The following CDK12 variants were observed in gnomAD, a reference collection of about 807,000 sequenced individuals.
CDK12 encodes the protein cyclin-dependent kinase 12.
Under a neutral mutation model 133.8 loss-of-function variants are expected in CDK12, and 17 were observed. The ratio of observed to expected loss-of-function variants is 0.13; its 90% CI spans 0.09 to 0.19. The LOEUF (loss-of-function observed/expected upper bound fraction) is 0.19. CDK12 is among the 10% of genes least tolerant of loss of function. CDK12 has a pLI of 1.00. For missense variants in CDK12, 1,508 were observed against 1,818.7 expected, an observed-to-expected ratio of 0.83 and a Z score of 3.11; for synonymous variants, 694 against 683.6, an observed-to-expected ratio of 1.02 and a Z score of -0.24.
At position 39,489,001 on chromosome 17, in the gene CDK12, ACCT is replaced by A. The variant is rs563076577; in HGVS notation, c.1932-1546_1932-1544del. ...AGTCGTGCGATCTCAGCTCACTGCAACCTCCTCCTCCTAGGCTCAAGCAATTCT... is the reference window on the plus strand; with the variant it reads ...AGTCGTGCGATCTCAGCTCACTGCAACCTCCTCCTAGGCTCAAGCAATTCT... On this transcript the variant is annotated intron_variant, in intron 2 of 13. Coordinates refer to ENST00000447079, the MANE Select transcript of CDK12 (RefSeq NM_016507.4). Among the ~76,000 whole-genome samples the A allele has an allele frequency of 3.1e-4, 46 of 150,800 alleles. 1 individual carries two copies. The East Asian group carries it at 8.5e-3, about 28-fold the overall frequency.
At chr17:39,486,804 C>T (rs567165440) in intron 2 of CDK12, among the ~76,000 whole-genome samples, 32 of 151,964 alleles carry the variant, frequency 2.1e-4, no homozygotes, top group Non-Finnish European at 3.4e-4. Flanking sequence ...GTCAGGAGTT[C>T]GAGTCCAGCC....
At chr17:39,494,870 CGCCATTCTCCTGCCTCAGT>C (rs2051946524) in intron 5 of CDK12, among the ~76,000 whole-genome samples, 176 bp downstream of exon 5, 1 of 150,930 alleles carries the variant, frequency 6.6e-6, no homozygotes, top group Admixed American at 6.6e-5. Context: ...CCTGGGTTCA[CGCCATTCTCCTGCCTCAGT>C]GTCCTGAGCA....
At chr17:39,514,885 G>A (rs563250385) in intron 8 of CDK12, among the ~76,000 whole-genome samples, 1 of 151,680 alleles carries the variant, frequency 6.6e-6, no homozygotes, top group African/African-American at 2.4e-5. Flanking sequence ...TCCTCTACCC[G>A]TACCCTCCCA....
intron 3 of CDK12, among the ~76,000 whole-genome samples, chr17:39,492,499 C>A (rs1015071063): frequency 2.0e-5 from 3 of 150,918 alleles, no homozygotes; most frequent in African/African-American, 7.3e-5. Context: ...GTTCTGCCTC[C>A]CAGGTTCACG....
At chr17:39,480,894 A>G (rs1046869032) in intron 2 of CDK12, among the ~76,000 whole-genome samples, 2 of 152,322 alleles carry the variant, frequency 1.3e-5, no homozygotes, top group African/African-American at 4.8e-5. Flanking sequence ...TACAATCTAC[A>G]TGACCATAGC....
intron 8 of CDK12, among the ~76,000 whole-genome samples, chr17:39,515,512 T>G (rs1466712829): frequency 1.3e-5 from 2 of 152,232 alleles, no homozygotes; most frequent in African/African-American, 4.8e-5. Flanking sequence ...TAGAGTGTCC[T>G]TAATAGGTGG....
intron 8 of CDK12, 150 bp from the exon 9 acceptor site, chr17:39,515,581 A>G (rs964406701): frequency 1.7e-6 from 1 of 594,478 alleles, no homozygotes; most frequent in African/African-American, 1.9e-5. Context: ...CACTGCAAGA[A>G]ATATTTTCTC....
intron 11 of CDK12, 36 bp downstream of exon 11, chr17:39,520,123 T>A: frequency 6.2e-7 from 1 of 1,611,768 alleles, no homozygotes; most frequent in Non-Finnish European, 8.5e-7. Context: ...CCCTAAATCT[T>A]TCCCTGGGCC....
rs761267090 is a variant in CDK12 at position 39,530,607 on chromosome 17, GTCC to G, written c.3770_3772del (p.Pro1257del). ...AAAAGAAGTAACCCTTCCACAGCATGTCCTCCTCACATTCTTCCACCAGAGAAG... is the reference window on the plus strand; with the variant it reads ...AAAAGAAGTAACCCTTCCACAGCATGTCCTCACATTCTTCCACCAGAGAAG... On this transcript the variant is annotated inframe_deletion, in exon 14 of 14. Transcript: ENST00000447079. 4.7e-5 allele frequency: 74 copies of G among 1,586,604 alleles called. No homozygotes were observed. Among genetic ancestry groups the G allele is most frequent in the Non-Finnish European group, 6.3e-5 (73 of 1,165,408 alleles).
intron 6 of CDK12, among the ~76,000 whole-genome samples, chr17:39,506,298 C>G (rs948035514): frequency 6.6e-6 from 1 of 150,702 alleles, no homozygotes; most frequent in African/African-American, 2.5e-5. Flanking sequence ...TCACTGCAAC[C>G]TCTGCCTCCC....
chr17:39,526,810 G>A (rs1013295042), intron 13 of CDK12, among the ~76,000 whole-genome samples: 3 of 152,000 alleles, frequency 2.0e-5, no homozygotes, highest in Admixed American at 1.3e-4. Flanking sequence ...GAATAATTTG[G>A]GAATATTTCT....
intron 3 of CDK12, among the ~76,000 whole-genome samples, chr17:39,561,335 A>G (rs985941527): frequency 5.3e-5 from 8 of 152,212 alleles, no homozygotes; most frequent in Non-Finnish European, 1.0e-4. Context: ...CAGGGGAACT[A>G]TAGTTCATTT....
downstream of CDK12, among the ~76,000 whole-genome samples, chr17:39,538,904 A>AATAAATAC (rs778096927): frequency 0.056 from 8,168 of 144,846 alleles, 267 homozygotes; most frequent in East Asian, 0.093. Context: ...ATCTCAAATA[A>AATAAATAC]ATACATACAT....
intron 11 of CDK12, among the ~76,000 whole-genome samples, chr17:39,521,579 A>G (rs895828380): frequency 4.0e-4 from 59 of 147,986 alleles, no homozygotes; most frequent in Middle Eastern, 3.9e-3. Flanking sequence ...GTTTTTTCCG[A>G]GACGGAGTCT....
chr17:39,511,516 T>C lies in CDK12; in HGVS notation c.2667-13T>C. The C allele has an allele frequency of 6.4e-7, 1 of 1,553,958 alleles. No homozygotes were observed. The highest frequency in any genetic ancestry group is 8.8e-7 in the Non-Finnish European group (1 of 1,130,874). ...ACTGTAAGTTTATGTCATGGTTGTT[T>C]TTTATATTTCAGTCGCCCTTACACA... On this transcript the variant is annotated splice_polypyrimidine_tract_variant and intron_variant, in intron 7 of 13. Coordinates refer to ENST00000447079, the MANE Select transcript of CDK12 (RefSeq NM_016507.4).
At chr17:39,482,588 CA>C (rs1344964356) in intron 2 of CDK12, among the ~76,000 whole-genome samples, 1 of 106,516 alleles carries the variant, frequency 9.4e-6, no homozygotes, top group Non-Finnish European at 2.0e-5. Flanking sequence ...CCAAAGTGAA[CA>C]ATCAACTACA....
intron 1 of CDK12, 64 bp from the exon 2 acceptor site, chr17:39,470,815 G>T: frequency 1.6e-6 from 2 of 1,284,000 alleles, no homozygotes; most frequent in Admixed American, 2.4e-5. Context: ...TTGTTTTATT[G>T]ATCTGTTTTC....
intron 7 of CDK12, among the ~76,000 whole-genome samples, chr17:39,510,893 G>A (rs150690223): frequency 0.011 from 1,565 of 143,826 alleles, 28 homozygotes; most frequent in African/African-American, 0.037. Context: ...GATTACGGGC[G>A]TGAGCCACCG....
chr17:39,519,298 CTTTTTTT>C (rs386386050), intron 10 of CDK12, among the ~76,000 whole-genome samples: 1 of 53,976 alleles, frequency 1.9e-5, no homozygotes, highest in African/African-American at 7.7e-5. Flanking sequence ...AATTCAAAGA[CTTTTTTT>C]TTTTTTTTTT....
Sources: gnomAD v4.1 joint callset for allele counts (sites outside exome capture counted in the v4.1 genomes callset) on GRCh38, gnomAD v4.1.1 for gene constraint, MANE v1.5 for transcripts, NCBI Gene and HGNC (gene_info 2026-07-23, HGNC 2026-07-21) for gene names.